Variants in SLF1 observed in about 807,000 individuals in gnomAD.
SLF1 encodes SMC5/6 complex localization factor 1, also known as SMC5-SMC6 complex localization factor protein 1.
SLF1 carries 105 observed loss-of-function variants against 123.0 expected under a neutral mutation model. That is an observed-to-expected ratio of 0.85 (90% confidence interval 0.73 to 1.00). SLF1 has a LOEUF of 1.00. SLF1 is among the 50% of genes least tolerant of loss of function. The pLI, the probability that SLF1 is intolerant of heterozygous loss-of-function variation, is 0.00. For missense variants in SLF1, 1,239 were observed against 1,223.0 expected (o/e 1.01, Z -0.20); for synonymous variants, 434 against 406.6 (o/e 1.07, Z -0.81).
chr5:94,695,438 TAAATTTTAAAAGCATTTTTAAA>T lies in SLF1; in HGVS notation c.*130_*151del. ...TTATTGACAGACTTTGCAGCCTTGC[TAAATTTTAAAAGCATTTTTAAA>T]AAAACTTCTACAAAACTCTAGTATG... On this transcript the variant is annotated 3_prime_UTR_variant, in exon 21 of 21. Coordinates refer to ENST00000265140, the MANE Select transcript of SLF1 (RefSeq NM_032290.4). The T allele has an allele frequency of 8.5e-7, 1 of 1,181,196 alleles. No individual in the cohort carries two copies. Among genetic ancestry groups the T allele is most frequent in the South Asian group, 2.8e-5 (1 of 35,638 alleles). The allele number at this position is 1,181,196 out of a possible 1,614,324, so 73.2% of individuals were successfully genotyped here. A position where few individuals can be genotyped will look rare whatever the true frequency, so the allele number is the denominator to read the frequency against.
At chr5:94,630,061 G>A (rs190226289) in intron 3 of SLF1, among the ~76,000 whole-genome samples, 150 of 152,172 alleles carry the variant, frequency 9.9e-4, no homozygotes, top group African/African-American at 3.3e-3. Context: ...TAATAATGCC[G>A]TGAACAATAT....
intron 14 of SLF1, among the ~76,000 whole-genome samples, chr5:94,677,354 G>A (rs1256270845): frequency 2.0e-5 from 3 of 152,074 alleles, no homozygotes. Flanking sequence ...AAACAGTTGG[G>A]TAAAAGGCAT....
intron 11 of SLF1, 147 bp downstream of exon 11, chr5:94,664,055 T>G: frequency 1.5e-6 from 1 of 680,138 alleles, no homozygotes; most frequent in Non-Finnish European, 2.3e-6. Flanking sequence ...CATTTATTAC[T>G]ACTGTTCTGT....
rs421503 is a variant in SLF1 at position 94,641,655 on chromosome 5, A to C, written c.432-1618A>C. 3.5e-3 allele frequency among the ~76,000 whole-genome samples: 536 copies of C among 152,304 alleles called. 2 individuals are homozygous for C. Among genetic ancestry groups the C allele is most frequent in the African/African-American group, 0.013 (524 of 41,574 alleles). On this transcript the variant is annotated intron_variant, in intron 4 of 20. Coordinates refer to ENST00000265140, the MANE Select transcript of SLF1 (RefSeq NM_032290.4). The stretch of plus-strand genomic sequence containing the variant: ...TCAACAATCCTTAAACTACTAGGTC[A>C]TAGAAGGTGTCTCTTTTCATGCTCT...
intron 14 of SLF1, among the ~76,000 whole-genome samples, chr5:94,677,536 TAGAA>T (rs1336538113): frequency 4.6e-5 from 7 of 152,000 alleles, no homozygotes; most frequent in Non-Finnish European, 1.0e-4. Flanking sequence ...TGGGATTAAT[TAGAA>T]AGAAATTAGA....
chr5:94,665,305 T>C (rs1749613721), intron 11 of SLF1, among the ~76,000 whole-genome samples: 1 of 152,150 alleles, frequency 6.6e-6, no homozygotes, highest in African/African-American at 2.4e-5. Flanking sequence ...AAAAAATTCA[T>C]GTGTAAGTGG....
chr5:94,626,252 CAA>C (rs563542719), intron 1 of SLF1, among the ~76,000 whole-genome samples: 25 of 58,338 alleles, frequency 4.3e-4, no homozygotes, highest in Admixed American at 5.9e-4. Flanking sequence ...GACTCCATCT[CAA>C]AAAAAAAAAA....
At chr5:94,635,337 C>CTTTTTTTTTTTTT (rs34524874) in intron 4 of SLF1, among the ~76,000 whole-genome samples, 1 of 43,904 alleles carries the variant, frequency 2.3e-5, no homozygotes, top group Non-Finnish European at 4.2e-5. Context: ...ACATACTCGG[C>CTTTTTTTTTTTTT]TTTTTTTTTT....
At chr5:94,641,778 A>G (rs1329891382) in intron 4 of SLF1, among the ~76,000 whole-genome samples, 3 of 152,146 alleles carry the variant, frequency 2.0e-5, no homozygotes, top group Non-Finnish European at 4.4e-5. Context: ...TTTCCATACT[A>G]TTGGTCCCTG....
chr5:94,619,603 TAAA>T (rs1561409524), intron 1 of SLF1, among the ~76,000 whole-genome samples: 9 of 142,962 alleles, frequency 6.3e-5, no homozygotes, highest in Non-Finnish European at 7.9e-5. Flanking sequence ...ATGACTTTAT[TAAA>T]AAATTTTGTT....
chr5:94,636,732 T>TTTTG (rs1745837723), intron 4 of SLF1, among the ~76,000 whole-genome samples: 1 of 119,386 alleles, frequency 8.4e-6, no homozygotes, highest in Non-Finnish European at 1.8e-5. Context: ...TTTTTTTTTT[T>TTTTG]TTTGAGATGG....
At chr5:94,651,267 G>A (rs1747691079) in intron 6 of SLF1, among the ~76,000 whole-genome samples, 1 of 152,128 alleles carries the variant, frequency 6.6e-6, no homozygotes, top group African/African-American at 2.4e-5. Context: ...GCACAATGAC[G>A]AAATCAACTA....
intron 5 of SLF1, among the ~76,000 whole-genome samples, chr5:94,644,803 T>C (rs780004105): frequency 2.5e-4 from 38 of 152,190 alleles, no homozygotes; most frequent in Non-Finnish European, 5.1e-4. Context: ...ATTTGGTTAA[T>C]GTCTATTTCC....
intron 3 of SLF1, among the ~76,000 whole-genome samples, chr5:94,630,225 A>G (rs1745053753): frequency 6.6e-6 from 1 of 152,224 alleles, no homozygotes; most frequent in African/African-American, 2.4e-5. Context: ...TTAGAATTAT[A>G]TTTAAATGAA....
chr5:94,677,983 C>T (rs1020353440), intron 14 of SLF1, among the ~76,000 whole-genome samples: 2 of 151,360 alleles, frequency 1.3e-5, no homozygotes, highest in African/African-American at 4.9e-5. Flanking sequence ...TGCAGTGGCA[C>T]AATCTCCTCT....
In SLF1 at chr5:94,639,037, C is replaced by CTTTTTTTTTTTTTT. The variant is rs764031689; in HGVS notation, c.432-4228_432-4215dup. Among the ~76,000 whole-genome samples the CTTTTTTTTTTTTTT allele has an allele frequency of 2.5e-4, 22 of 88,958 alleles. 1 individual carries two copies. The highest frequency in any genetic ancestry group is 3.0e-4 in the African/African-American group (6 of 20,268). 58.4% of individuals were successfully genotyped at this position (88,958 alleles called of 152,430 possible). A position where few individuals can be genotyped will look rare whatever the true frequency, so the allele number is the denominator to read the frequency against. On this transcript the variant is annotated intron_variant, in intron 4 of 20. Transcript: ENST00000265140. The stretch of plus-strand genomic sequence containing the variant: ...TTTCTCATCTCTTTTCTTTTCTTCC[C>CTTTTTTTTTTTTTT]TTTTTTTTTTTTTTTTTTTTTGAGA...
At chr5:94,636,819 G>A (rs1745855183) in intron 4 of SLF1, among the ~76,000 whole-genome samples, 1 of 147,090 alleles carries the variant, frequency 6.8e-6, no homozygotes, top group South Asian at 2.2e-4. Flanking sequence ...CTGGGTTCAA[G>A]CGAATCCCCT....
chr5:94,664,358 G>C (rs1374705617), intron 11 of SLF1, among the ~76,000 whole-genome samples: 3 of 152,286 alleles, frequency 2.0e-5, no homozygotes, highest in Admixed American at 6.5e-5. Flanking sequence ...GCAGTGGTGT[G>C]ATCATGGCTC....
At chr5:94,677,450 C>A (rs570208417) in intron 14 of SLF1, among the ~76,000 whole-genome samples, 6 of 151,788 alleles carry the variant, frequency 4.0e-5, no homozygotes, top group Non-Finnish European at 7.4e-5. Context: ...GTTCTTAGAT[C>A]CTTTTATACT....
Sources: gnomAD v4.1 joint callset for allele counts (sites outside exome capture counted in the v4.1 genomes callset) on GRCh38, gnomAD v4.1.1 for gene constraint, MANE v1.5 for transcripts, NCBI Gene and HGNC (gene_info 2026-07-23, HGNC 2026-07-21) for gene names.